The following TUSC3 variants were observed in gnomAD, a reference collection of about 807,000 sequenced individuals.
TUSC3 encodes dolichyl-diphosphooligosaccharide--protein glycosyltransferase subunit TUSC3.
In TUSC3, 45 loss-of-function variants were observed where a neutral mutation model predicts 44.8. The ratio of observed to expected loss-of-function variants is 1.00; its 90% CI spans 0.79 to 1.29. The LOEUF is 1.29. Among genes scored for constraint, TUSC3 ranks in the 50% most tolerant of loss-of-function variants. TUSC3 has a pLI of 0.00. For missense variants in TUSC3, 519 were observed against 437.9 expected (o/e 1.19, Z -1.65); for synonymous variants, 212 against 152.9 (o/e 1.39, Z -2.85).
chr8:15,649,802 G>A (rs910850739), intron 2 of TUSC3, among the ~76,000 whole-genome samples: 1 of 152,038 alleles, frequency 6.6e-6, no homozygotes, highest in South Asian at 2.1e-4. Context: ...TCTGCTCCAA[G>A]TCCTTTTGTT....
At chr8:15,469,328 C>A (rs770752581) in intron 1 of TUSC3, among the ~76,000 whole-genome samples, 12 of 152,074 alleles carry the variant, frequency 7.9e-5, no homozygotes, top group Non-Finnish European at 1.8e-4. Context: ...GAAATCAAAT[C>A]CATTAAAAAT....
At chr8:15,431,862 C>T (rs7838544) in intron 1 of TUSC3, among the ~76,000 whole-genome samples, 24,239 of 64,242 alleles carry the variant, frequency 0.38, 2,971 homozygotes, top group Admixed American at 0.52. Flanking sequence ...TGTTCAGCCA[C>T]TGTTAAGAAA....
chr8:15,531,433 G>A lies in TUSC3; in HGVS notation n.189+47950G>A, dbSNP rs529881774. Among the ~76,000 whole-genome samples the A allele has an allele frequency of 8.5e-5, 13 of 152,272 alleles. No individual in the cohort carries two copies. The South Asian group carries it at 2.3e-3, about 27-fold the overall frequency. ...TGCCTGGCTAATTTTTGTATTTTTA[G>A]TAGAGACAGGGTTTCGCCACGTTGG... On this transcript the variant is annotated intron_variant and non_coding_transcript_variant, in intron 2 of 5. Transcript: ENST00000503191.
chr8:15,722,722 C>G (rs758685264), intron 6 of TUSC3, among the ~76,000 whole-genome samples: 1 of 152,016 alleles, frequency 6.6e-6, no homozygotes, highest in African/African-American at 2.4e-5. Context: ...TGGACTCCCA[C>G]TGTTCCAATG....
intron 1 of TUSC3, among the ~76,000 whole-genome samples, chr8:15,449,822 C>A (rs952007390): frequency 6.6e-6 from 1 of 152,058 alleles, no homozygotes; most frequent in African/African-American, 2.4e-5. Flanking sequence ...TGTAGGTGAC[C>A]GTTTTTTTAA....
At chr8:15,659,365 A>G in intron 3 of TUSC3, 142 bp from the exon 4 acceptor site, 1 of 1,019,464 alleles carries the variant, frequency 9.8e-7, no homozygotes, top group Non-Finnish European at 1.4e-6. Context: ...AAGACAAATA[A>G]AAACAGAAAT....
chr8:15,668,022 C>T (rs1029150821), intron 5 of TUSC3, among the ~76,000 whole-genome samples: 2 of 151,720 alleles, frequency 1.3e-5, no homozygotes, highest in African/African-American at 4.8e-5. Context: ...AGAAAGATAA[C>T]ATGTGGTTAT....
intron 2 of TUSC3, among the ~76,000 whole-genome samples, chr8:15,514,274 G>C (rs1397784850): frequency 6.6e-6 from 1 of 152,142 alleles, no homozygotes; most frequent in Non-Finnish European, 1.5e-5. Context: ...TGACAAAATA[G>C]ATGTTTTATT....
chr8:15,712,718 G>C (rs564974685), intron 6 of TUSC3, among the ~76,000 whole-genome samples: 1 of 151,986 alleles, frequency 6.6e-6, no homozygotes, highest in African/African-American at 2.4e-5. Flanking sequence ...CAGAAATAAC[G>C]TTTTGATTTA....
chr8:15,505,762 G>GT lies in TUSC3; in HGVS notation n.189+22287dup, dbSNP rs965193621. Among the ~76,000 whole-genome samples the GT allele has an allele frequency of 3.0e-3, 457 of 151,840 alleles. 3 individuals are homozygous for GT. The highest frequency in any genetic ancestry group is 9.7e-3 in the African/African-American group (400 of 41,414). On this transcript the variant is annotated intron_variant and non_coding_transcript_variant, in intron 2 of 5. Coordinates refer to the TUSC3 transcript ENST00000503191. Reference sequence around the variant, plus strand: ...TAAAGTTAAAATGTATTTTTTTTCTGTTTTTTTTAGTTTTAAACCCTACAG... The same window carrying GT: ...TAAAGTTAAAATGTATTTTTTTTCTGTTTTTTTTTAGTTTTAAACCCTACAG...
chr8:15,794,017 G>A, the TUSC3 span, among the ~76,000 whole-genome samples: 3 of 152,322 alleles, frequency 2.0e-5, no homozygotes, highest in Non-Finnish European at 2.9e-5. Context: ...CAGATGACAA[G>A]TACCTTTCCT....
chr8:15,656,002 T>C (rs1164963570), intron 3 of TUSC3, among the ~76,000 whole-genome samples: 2 of 152,162 alleles, frequency 1.3e-5, no homozygotes, highest in Admixed American at 6.5e-5. Context: ...TGCTTAACCA[T>C]TGTCTTAGTT....
At chr8:15,509,839 T>A (rs1801108220) in intron 2 of TUSC3, among the ~76,000 whole-genome samples, 1 of 152,222 alleles carries the variant, frequency 6.6e-6, no homozygotes, top group South Asian at 2.1e-4. Flanking sequence ...TTTTCTTGCA[T>A]ATTAGTTGAC....
At chr8:15,670,423 A>G (rs1021377946) in intron 5 of TUSC3, among the ~76,000 whole-genome samples, 1 of 151,914 alleles carries the variant, frequency 6.6e-6, no homozygotes, top group African/African-American at 2.4e-5. Flanking sequence ...TTGTAACGAA[A>G]GTGGCCTTGC....
intron 1 of TUSC3, among the ~76,000 whole-genome samples, chr8:15,608,023 C>T (rs1240265131): frequency 6.6e-6 from 1 of 152,100 alleles, no homozygotes; most frequent in East Asian, 1.9e-4. Flanking sequence ...CCTTAGCAAA[C>T]CAGAATGGTG....
chr8:15,507,998 T>C (rs1585070000), intron 2 of TUSC3, among the ~76,000 whole-genome samples: 1 of 152,052 alleles, frequency 6.6e-6, no homozygotes, highest in East Asian at 1.9e-4. Flanking sequence ...TCCCAGCACT[T>C]TGGGAGGCCG....
chr8:15,439,692 A>G (rs1211657874), intron 1 of TUSC3, among the ~76,000 whole-genome samples: 1 of 152,242 alleles, frequency 6.6e-6, no homozygotes, highest in Non-Finnish European at 1.5e-5. Context: ...AGTGCTTTAA[A>G]TTACAGAGTA....
chr8:15,431,580 CTT>C lies in TUSC3; in HGVS notation n.91+14277_91+14278del, dbSNP rs1434863942. ...TAGATTTAACAGTGCTTGGCAAACT[CTT>C]TAGAGGTTTCTATATATAGGATTAT... is the stretch of plus-strand genomic sequence containing the variant. On this transcript the variant is annotated intron_variant and non_coding_transcript_variant, in intron 1 of 5. Transcript: ENST00000503191. Among the ~76,000 whole-genome samples the C allele has an allele frequency of 5.3e-5, 8 of 150,580 alleles. No individual in the cohort carries two copies. In the East Asian group the frequency reaches 1.6e-3, roughly 29 times the overall value.
intron 2 of TUSC3, among the ~76,000 whole-genome samples, chr8:15,531,277 TAG>T (rs1471308271): frequency 1.3e-5 from 2 of 152,192 alleles, no homozygotes; most frequent in Non-Finnish European, 2.9e-5. Flanking sequence ...TTTATTTATT[TAG>T]AGACACAGTC....
Sources: gnomAD v4.1 joint callset for allele counts (sites outside exome capture counted in the v4.1 genomes callset) on GRCh38, gnomAD v4.1.1 for gene constraint, MANE v1.5 for transcripts, NCBI Gene and HGNC (gene_info 2026-07-23, HGNC 2026-07-21) for gene names.